Variants in FBXO33 observed in about 807,000 individuals in gnomAD.
The protein encoded by FBXO33 is F-box protein 33.
In FBXO33, 22 loss-of-function variants were observed where a neutral mutation model predicts 46.3. That is an observed-to-expected ratio of 0.48 (90% CI 0.34 to 0.68). FBXO33 has a LOEUF of 0.68. FBXO33 is among the 30% of genes least tolerant of loss of function. The probability of loss-of-function intolerance (pLI) is 0.01; values close to 1 mark genes in which losing one functional copy is unlikely to be tolerated. For missense variants in FBXO33, 692 were observed against 708.8 expected, an observed-to-expected ratio of 0.98 and a Z score of 0.27; for synonymous variants, 337 against 291.3, an observed-to-expected ratio of 1.16 and a Z score of -1.60.
At chr14:39,422,902 C>T (rs2075492180) in intron 1 of FBXO33, among the ~76,000 whole-genome samples, 1 of 152,046 alleles carries the variant, frequency 6.6e-6, no homozygotes, top group African/African-American at 2.4e-5. Context: ...GGCGGGTGGA[C>T]CACAAGGTCA....
intron 1 of FBXO33, among the ~76,000 whole-genome samples, chr14:39,414,492 A>G (rs1273880902): frequency 2.0e-5 from 3 of 152,170 alleles, no homozygotes; most frequent in Non-Finnish European, 4.4e-5. Flanking sequence ...TGCATTCACA[A>G]CTTGCCTGTT....
At chr14:39,417,279 T>C (rs545521464) in intron 1 of FBXO33, among the ~76,000 whole-genome samples, 76 of 152,364 alleles carry the variant, frequency 5.0e-4, no homozygotes, top group African/African-American at 1.8e-3. Context: ...AGACAGAAAT[T>C]GGCAGGGGTG....
chr14:39,431,816 C>T lies in FBXO33; in HGVS notation c.347G>A (p.Arg116His), dbSNP rs898345683. ...ALWPQLRICL[R>H]VSPAEQPRLE... ...CCGAGGCTGCTCCGCGGGCGAGACG[C>T]GGAGGCAGATGCGGAGCTGGGGCCA... The change falls in exon 1 of 4, where the codon CGC becomes CAC. Residue 116 changes from arginine (R) to histidine (H), a missense_variant. Arg to His is a conservative substitution (Grantham distance 29). Around this residue, in one of 3 missense-constraint regions of FBXO33, gnomAD observed 412 missense variants for 370.8 expected, o/e 1.11. Transcript: ENST00000298097. The T allele has an allele frequency of 1.2e-6, 2 of 1,610,372 alleles. No homozygotes were observed. Among genetic ancestry groups the T allele is most frequent in the Non-Finnish European group, 1.7e-6 (2 of 1,179,724 alleles).
intron 1 of FBXO33, among the ~76,000 whole-genome samples, chr14:39,414,776 C>T (rs1297011241): frequency 6.6e-6 from 1 of 152,196 alleles, no homozygotes; most frequent in African/African-American, 2.4e-5. Context: ...ATCCTCCCAC[C>T]TCAGCCTCCC....
Position 39,428,133 on chromosome 14 carries a change from C to T in FBXO33, c.599+3431G>A, listed in dbSNP as rs529075194. 7.9e-5 allele frequency among the ~76,000 whole-genome samples: 12 copies of T among 152,280 alleles called. No homozygotes were observed. The South Asian group carries it at 2.5e-3, about 32-fold the overall frequency. On this transcript the variant is annotated intron_variant, in intron 1 of 3. Transcript: ENST00000298097. ...TCAATCTACATACAAGCAGTTAGAG[C>T]TGTACCCAGAATCTTAAAAAGAAAA...
intron 1 of FBXO33, among the ~76,000 whole-genome samples, chr14:39,412,290 C>T (rs917737625): frequency 5.9e-5 from 9 of 152,148 alleles, no homozygotes; most frequent in African/African-American, 1.9e-4. Flanking sequence ...CTGACTGACC[C>T]TTTTATCATT....
At chr14:39,419,200 G>T (rs922763315) in intron 1 of FBXO33, among the ~76,000 whole-genome samples, 4 of 152,210 alleles carry the variant, frequency 2.6e-5, no homozygotes, top group Admixed American at 2.0e-4. Flanking sequence ...TGAATACAAT[G>T]CTTTCATTCA....
At chr14:39,430,926 G>A (rs140331930) in intron 1 of FBXO33, among the ~76,000 whole-genome samples, 430 of 152,208 alleles carry the variant, frequency 2.8e-3, no homozygotes, top group Non-Finnish European at 5.0e-3. Flanking sequence ...CCGCCCGACT[G>A]TTACTTTTAG....
intron 1 of FBXO33, among the ~76,000 whole-genome samples, chr14:39,405,255 AAT>A (rs564408260): frequency 4.0e-4 from 61 of 152,292 alleles, no homozygotes; most frequent in Admixed American, 3.9e-3. Flanking sequence ...GTATTTTAGT[AAT>A]AGAGATGAGA....
intron 1 of FBXO33, among the ~76,000 whole-genome samples, chr14:39,431,029 ACTCCTCCTCCT>A (rs1392653196): frequency 1.3e-5 from 2 of 150,862 alleles, no homozygotes; most frequent in Non-Finnish European, 3.0e-5. Flanking sequence ...TTTAACAAAC[ACTCCTCCTCCT>A]CTTCGGGCCT....
At chr14:39,419,129 G>A (rs952714960) in intron 1 of FBXO33, among the ~76,000 whole-genome samples, 1 of 152,176 alleles carries the variant, frequency 6.6e-6, no homozygotes, top group Admixed American at 6.5e-5. Context: ...AGTACAGCAA[G>A]GTAGAGAATC....
chr14:39,424,787 A>C (rs1398985730), intron 1 of FBXO33, among the ~76,000 whole-genome samples: 1 of 152,170 alleles, frequency 6.6e-6, no homozygotes, highest in Non-Finnish European at 1.5e-5. Context: ...GGGTGCAGTG[A>C]CTCAGGCCTG....
chr14:39,428,960 A>T (rs2139422821), intron 1 of FBXO33, among the ~76,000 whole-genome samples: 1 of 152,302 alleles, frequency 6.6e-6, no homozygotes, highest in East Asian at 1.9e-4. Context: ...AACGTGAAGG[A>T]CTGTGTGTTA....
chr14:39,423,629 A>G (rs1195324103), intron 1 of FBXO33, among the ~76,000 whole-genome samples: 2 of 152,214 alleles, frequency 1.3e-5, no homozygotes, highest in Non-Finnish European at 2.9e-5. Context: ...AACATTGAGC[A>G]AAAGAGGTCA....
At chr14:39,401,115 C>T (rs2139400377) in intron 3 of FBXO33, 61 bp downstream of exon 3, 1 of 1,451,830 alleles carries the variant, frequency 6.9e-7, no homozygotes, top group Non-Finnish European at 9.3e-7. Context: ...TATCTCTTTA[C>T]TGGCAGAAAA....
intron 1 of FBXO33, among the ~76,000 whole-genome samples, chr14:39,422,189 C>G (rs937085744): frequency 6.6e-6 from 1 of 152,118 alleles, no homozygotes; most frequent in East Asian, 1.9e-4. Flanking sequence ...AGCTGGGAGG[C>G]GGAGGTTGCA....
Position 39,415,586 on chromosome 14 carries a change from T to G in FBXO33, c.600-13075A>C, listed in dbSNP as rs575757744. Among the ~76,000 whole-genome samples the G allele has an allele frequency of 9.8e-5, 15 of 152,354 alleles. No homozygotes were observed. The South Asian group carries it at 3.1e-3, about 32-fold the overall frequency. On this transcript the variant is annotated intron_variant, in intron 1 of 3. Transcript: ENST00000298097. ...AAAACTGTACACATTTGCTCCTGCA[T>G]ACGTTGCTACTGATGTTCTAATTTA...
chr14:39,429,288 T>C (rs1374533588), intron 1 of FBXO33, among the ~76,000 whole-genome samples: 1 of 152,240 alleles, frequency 6.6e-6, no homozygotes, highest in African/African-American at 2.4e-5. Context: ...TGATCTGGTA[T>C]GATTCACACC....
chr14:39,432,397 C>G lies in FBXO33; in HGVS notation c.-235G>C. 3.8e-6 allele frequency: 1 copy of G among 263,822 alleles called. No individual in the cohort carries two copies. The allele number at this position is 263,822 out of a possible 1,614,324, so 16.3% of individuals were successfully genotyped here. ...AAGGCGTACTGTAAGGAAAAGGCAGCCCTCCCTGCGCCGGTCGGCAGAGAC... is the reference window on the plus strand; with the variant it reads ...AAGGCGTACTGTAAGGAAAAGGCAGGCCTCCCTGCGCCGGTCGGCAGAGAC... On this transcript the variant is annotated 5_prime_UTR_variant, in exon 1 of 4. Coordinates refer to ENST00000298097, the MANE Select transcript of FBXO33 (RefSeq NM_203301.4).
Sources: allele counts gnomAD v4.1 joint callset (sites outside exome capture counted in the v4.1 genomes callset), GRCh38; gene constraint gnomAD v4.1.1; regional missense constraint gnomAD v4.1.1; transcripts MANE v1.5; gene names NCBI Gene and HGNC (gene_info 2026-07-23, HGNC 2026-07-21).